The following PLXNA2 variants were observed in gnomAD, a reference collection of about 807,000 sequenced individuals.
PLXNA2 encodes plexin-A2.
A neutral mutation model predicts 193.5 loss-of-function variants in PLXNA2; 91 were observed. The observed-to-expected ratio is 0.47, with a 90% CI of 0.40 to 0.56. PLXNA2 has a LOEUF of 0.56. Ranked by LOEUF, PLXNA2 falls within the 20% of genes least tolerant of loss-of-function variation. The probability of loss-of-function intolerance (pLI) is 0.00; values close to 1 mark genes in which losing one functional copy is unlikely to be tolerated. For synonymous variants in PLXNA2, 997 were observed against 1,027.3 expected (o/e 0.97, Z 0.56); for missense variants, 1,995 against 2,503.2 (o/e 0.80, Z 4.33).
At chr1:208,142,086 G>A (rs1571961523) in intron 4 of PLXNA2, among the ~76,000 whole-genome samples, 1 of 152,322 alleles carries the variant, frequency 6.6e-6, no homozygotes, top group East Asian at 1.9e-4. Flanking sequence ...GTTCTTGCAG[G>A]GCTGTTCATC....
intron 3 of PLXNA2, among the ~76,000 whole-genome samples, chr1:208,150,646 G>A (rs918756193): frequency 2.0e-5 from 3 of 152,120 alleles, no homozygotes; most frequent in African/African-American, 7.2e-5. Context: ...CTAAATTGTG[G>A]CGTCTCTGCT....
At chr1:208,052,290 T>C in intron 15 of PLXNA2, 37 bp downstream of exon 15, 1 of 1,604,982 alleles carries the variant, frequency 6.2e-7, no homozygotes, top group Admixed American at 1.7e-5. Flanking sequence ...ATGTCCCAGA[T>C]GTGCAGTCTT....
At chr1:208,154,879 G>A (rs2590688) in intron 3 of PLXNA2, among the ~76,000 whole-genome samples, 48,360 of 152,120 alleles carry the variant, frequency 0.32, 8,155 homozygotes, top group Middle Eastern at 0.39. Context: ...AGGCAGCGGC[G>A]GGAACAAATG....
rs146293834 is a variant in PLXNA2 at position 208,074,396 on chromosome 1, C to G, written c.2586+4864G>C. Among the ~76,000 whole-genome samples, 97 of 152,302 alleles carry G rather than the reference C, an allele frequency of 6.4e-4. 2 individuals carry two copies. In the East Asian group the frequency reaches 0.015, roughly 23 times the overall value. On this transcript the variant is annotated intron_variant, in intron 12 of 31. Transcript: ENST00000367033. The stretch of plus-strand genomic sequence containing the variant: ...CCACGATGACAGCTGGAAATGGGAG[C>G]AGCTCAGGAGGCCTCCCATGGGGGA...
intron 3 of PLXNA2, among the ~76,000 whole-genome samples, chr1:208,161,821 T>C (rs549307136): frequency 5.3e-5 from 8 of 152,354 alleles, no homozygotes; most frequent in African/African-American, 1.9e-4. Flanking sequence ...GTCATGGTGC[T>C]ATTTTAAGTT....
intron 3 of PLXNA2, among the ~76,000 whole-genome samples, chr1:208,172,608 G>A (rs1669529525): frequency 6.6e-6 from 1 of 152,082 alleles, no homozygotes; most frequent in African/African-American, 2.4e-5. Context: ...GAGTTCTTGG[G>A]TGGCAACTAT....
chr1:208,065,777 G>C (rs965161701), intron 12 of PLXNA2, among the ~76,000 whole-genome samples: 2 of 152,202 alleles, frequency 1.3e-5, no homozygotes, highest in Admixed American at 6.5e-5. Flanking sequence ...GCTTTGGTGA[G>C]TTCTGGGCCC....
rs528293957 is a variant in PLXNA2, at chr1:208,028,706, G to A, written c.5438+124C>T. The stretch of plus-strand genomic sequence containing the variant: ...CCCGCAGCAGGGGGTGTGGCAGGGA[G>A]GGGAGTGGGAGGTCCTGAAGAGATG... On this transcript the variant is annotated intron_variant, in intron 30 of 31. Coordinates refer to ENST00000367033, the MANE Select transcript of PLXNA2 (RefSeq NM_025179.4). This position sits in a 1 kb window ranked among gnomAD's most constrained non-coding sequence, Gnocchi z 4.2. 9 of 815,866 alleles carry A rather than the reference G, an allele frequency of 1.1e-5. No individual in the cohort carries two copies. The East Asian group carries it at 1.8e-4, about 17-fold the overall frequency. The allele number at this position is 815,866 out of a possible 1,614,324, so 50.5% of individuals were successfully genotyped here.
At chr1:208,218,329 A>G (rs1260654280) in intron 1 of PLXNA2, among the ~76,000 whole-genome samples, 1 of 152,096 alleles carries the variant, frequency 6.6e-6, no homozygotes, top group African/African-American at 2.4e-5. Context: ...CAGCCAGTCA[A>G]TTTGATATTA....
At chr1:208,125,433 C>G (rs1394345173) in intron 4 of PLXNA2, among the ~76,000 whole-genome samples, 1 of 152,148 alleles carries the variant, frequency 6.6e-6, no homozygotes, top group African/African-American at 2.4e-5. Flanking sequence ...ATTCCTTCCT[C>G]CATCAGAATT....
At chr1:208,226,433 G>A (rs1056257068) in intron 1 of PLXNA2, among the ~76,000 whole-genome samples, 3 of 152,064 alleles carry the variant, frequency 2.0e-5, no homozygotes, top group Admixed American at 6.6e-5. Context: ...AAAACATGTA[G>A]TGTTTGTCCT....
At chr1:208,203,355 C>A (rs777474882) in intron 3 of PLXNA2, among the ~76,000 whole-genome samples, 2 of 152,194 alleles carry the variant, frequency 1.3e-5, no homozygotes, top group Non-Finnish European at 2.9e-5. Context: ...CTCCCCACCA[C>A]CCCAGTGTCC....
At chr1:208,105,842 G>A (rs1571922270) in intron 4 of PLXNA2, among the ~76,000 whole-genome samples, 1 of 152,252 alleles carries the variant, frequency 6.6e-6, no homozygotes, top group East Asian at 1.9e-4. Flanking sequence ...AGGGATGTCT[G>A]CATCTGGCTG....
At chr1:208,110,671 A>G (rs1209447155) in intron 4 of PLXNA2, among the ~76,000 whole-genome samples, 2 of 152,236 alleles carry the variant, frequency 1.3e-5, no homozygotes, top group Non-Finnish European at 2.9e-5. Context: ...CAGCTTAAGT[A>G]ACGCAGGTAA....
chr1:208,079,768 T>G (rs1167696952), intron 11 of PLXNA2, among the ~76,000 whole-genome samples: 1 of 150,016 alleles, frequency 6.7e-6, no homozygotes, highest in African/African-American at 2.5e-5. Flanking sequence ...TTACCTAATC[T>G]CTAACATGAA....
At chr1:208,051,129 GT>G in intron 16 of PLXNA2, 27 bp from the exon 17 acceptor site, 2 of 1,604,454 alleles carry the variant, frequency 1.2e-6, no homozygotes, top group Non-Finnish European at 1.7e-6. Context: ...GCTCGGTTAG[GT>G]AAAAAACCCC....
chr1:208,224,780 C>A lies in PLXNA2; in HGVS notation c.-80-6778G>T, dbSNP rs574637345. On this transcript the variant is annotated intron_variant, in intron 1 of 31. Transcript: ENST00000367033. ...TTGGCAGCCTTCTCTGAGAAGGTGA[C>A]ACAGATGACACTGTGGCCCCTCCAG... Among the ~76,000 whole-genome samples the A allele has an allele frequency of 6.0e-4, 91 of 152,218 alleles. 1 individual carries two copies. Among genetic ancestry groups the A allele is most frequent in the Non-Finnish European group, 1.2e-3 (80 of 68,028 alleles).
At position 208,216,771 on chromosome 1, in the gene PLXNA2, G is replaced by T. The variant is rs1348951966; in HGVS notation, c.1152C>A (p.Asn384Lys). 1.2e-6 allele frequency: 2 copies of T among 1,613,814 alleles called. No individual in the cohort carries two copies. Among genetic ancestry groups the T allele is most frequent in the African/African-American group, 2.7e-5 (2 of 74,944 alleles). Residue 384 changes from asparagine (N) to lysine (K), a missense_variant, in exon 2 of 32, where the codon AAC (asparagine) becomes AAA (lysine). Physicochemically the swap from Asn to Lys is moderately conservative, Grantham distance 94. This residue lies in a region of PLXNA2 where 702 missense variants were observed against 812.9 expected (regional missense o/e 0.86). Transcript: ENST00000367033. ...ACTGGACGTCCTTCCCCAGCAGCCA[G>T]TTGAGCTCCAGGTTGCCCTCGCCCT... is the stretch of plus-strand genomic sequence containing the variant. Reference protein sequence around the residue: ...CYQGEGNLELNWLLGKDVQCT... With the variant: ...CYQGEGNLELKWLLGKDVQCT...
chr1:208,211,553 C>T (rs569046087), intron 2 of PLXNA2, among the ~76,000 whole-genome samples: 39 of 152,090 alleles, frequency 2.6e-4, no homozygotes, highest in African/African-American at 8.7e-4. Flanking sequence ...ATTAGCCAGG[C>T]GTGGTGGTGT....
Sources: allele counts gnomAD v4.1 joint callset (sites outside exome capture counted in the v4.1 genomes callset), GRCh38; gene constraint gnomAD v4.1.1; regional missense constraint gnomAD v4.1.1; non-coding constraint Gnocchi (gnomAD v3.1); transcripts MANE v1.5; gene names NCBI Gene and HGNC (gene_info 2026-07-23, HGNC 2026-07-21).